The following AP3D1 variants were observed in gnomAD, a reference collection of about 807,000 sequenced individuals.
AP3D1 encodes the protein adaptor related protein complex 3 subunit delta 1.
AP3D1 carries 51 observed loss-of-function variants against 147.6 expected under a neutral mutation model. That is an observed-to-expected ratio of 0.35 (90% CI 0.28 to 0.44). The LOEUF (loss-of-function observed/expected upper bound fraction) is 0.44, where lower values mean the gene tolerates loss of function less well. AP3D1 is among the 20% of genes least tolerant of loss of function. The pLI, the probability that AP3D1 is intolerant of heterozygous loss-of-function variation, is 1.00. For missense variants in AP3D1, 1,421 were observed against 1,624.2 expected, an observed-to-expected ratio of 0.87 and a Z score of 2.15; for synonymous variants, 760 against 663.0, an observed-to-expected ratio of 1.15 and a Z score of -2.25.
intron 2 of AP3D1, among the ~76,000 whole-genome samples, chr19:2,138,062 G>A (rs185401853): frequency 6.7e-4 from 102 of 152,308 alleles, no homozygotes; most frequent in African/African-American, 2.2e-3. Flanking sequence ...GTTAACTGGC[G>A]CTTACGGGTA....
intron 22 of AP3D1, 96 bp from the exon 23 acceptor site, chr19:2,113,509 G>A (rs188713424): frequency 2.1e-5 from 15 of 699,894 alleles, no homozygotes; most frequent in African/African-American, 5.6e-5. Flanking sequence ...AGCTGCCCTC[G>A]CTGCCCCCAG....
chr19:2,112,416 G>A (rs1047715400), intron 24 of AP3D1: 11 of 172,882 alleles, frequency 6.4e-5, no homozygotes, highest in Non-Finnish European at 1.1e-4. Context: ...ACACACAAAA[G>A]ACCACACGGT....
chr19:2,118,913 G>C, intron 14 of AP3D1, 81 bp from the exon 15 acceptor site: 1 of 1,325,214 alleles, frequency 7.5e-7, no homozygotes, highest in Non-Finnish European at 1.0e-6. Context: ...AGGAGGCCTG[G>C]GCTCGTCACC....
chr19:2,117,004 C>G (rs1267621094), intron 16 of AP3D1: 1 of 801,012 alleles, frequency 1.2e-6, no homozygotes, highest in Admixed American at 3.2e-5. Context: ...AGGGTGGGAG[C>G]AGGCCCACTT....
rs2018054553 is a variant in AP3D1, at chr19:2,104,499, C to A, written c.3553-2231G>T. On this transcript the variant is annotated intron_variant, in intron 31 of 31. Transcript: ENST00000643116. ...ATGCCCAGACCCCAACACCAAGACA[C>A]CAATGCCCAGACCCCAATGCCAAGA... Among the ~76,000 whole-genome samples, 3 of 150,284 alleles carry A rather than the reference C, an allele frequency of 2.0e-5. No individual in the cohort carries two copies. The South Asian group carries it at 6.4e-4, about 32-fold the overall frequency.
At chr19:2,155,518 C>G (rs535284881), upstream of AP3D1, among the ~76,000 whole-genome samples, 2 of 116,190 alleles carry the variant, frequency 1.7e-5, no homozygotes, top group African/African-American at 3.3e-5. Context: ...TGGGTGACAG[C>G]GAGACTCTGT....
At chr19:2,164,166 G>A (rs975526471) in intron 1 of AP3D1, 1 of 1,212,352 alleles carries the variant, frequency 8.2e-7, no homozygotes, top group Non-Finnish European at 1.0e-6. Flanking sequence ...AGCATGGTGC[G>A]GCGGCCGCGC....
chr19:2,119,978 A>G (rs1227197939), intron 14 of AP3D1, among the ~76,000 whole-genome samples: 1 of 152,150 alleles, frequency 6.6e-6, no homozygotes, highest in African/African-American at 2.4e-5. Flanking sequence ...AGAAAATGAC[A>G]GAAGTGCTCA....
intron 1 of AP3D1, among the ~76,000 whole-genome samples, chr19:2,149,328 T>C (rs2019444842): frequency 6.6e-6 from 1 of 152,128 alleles, no homozygotes; most frequent in Non-Finnish European, 1.5e-5. Context: ...GGTGGATCAC[T>C]GAGGTCAGGA....
intron 4 of AP3D1, among the ~76,000 whole-genome samples, chr19:2,133,194 G>C (rs1269313244): frequency 6.6e-6 from 1 of 152,126 alleles, no homozygotes; most frequent in East Asian, 1.9e-4. Context: ...CTCCCATTTG[G>C]GGTCCCTTTC....
At position 2,129,477 on chromosome 19, in the gene AP3D1, C is replaced by T. The variant is rs763449997; in HGVS notation, c.593-20G>A. On this transcript the variant is annotated intron_variant, in intron 6 of 31. Transcript: ENST00000643116. ...GAACCCCTGGGGAACAAGGGGTTCT[C>T]ATCAGCATGCCTGTCCTTCCACCTA... 20 of 1,609,254 alleles carry T rather than the reference C, an allele frequency of 1.2e-5. No homozygotes were observed. Among genetic ancestry groups the T allele is most frequent in the South Asian group, 1.2e-4 (11 of 90,792 alleles).
chr19:2,130,757 T>C (rs1459406132), intron 5 of AP3D1, among the ~76,000 whole-genome samples: 1 of 152,176 alleles, frequency 6.6e-6, no homozygotes, highest in Non-Finnish European at 1.5e-5. Context: ...CCCTCTTCCC[T>C]TGTGGCCTTC....
At position 2,115,312 on chromosome 19, in the gene AP3D1, C is replaced by T. The variant is rs2145040802; in HGVS notation, c.2256G>A (p.Lys752=). The T allele has an allele frequency of 6.2e-7, 1 of 1,612,130 alleles. No individual in the cohort carries two copies. Among genetic ancestry groups the T allele is most frequent in the South Asian group, 1.1e-5 (1 of 91,078 alleles). ...GCAGCGAGCTGTGGCGGCGCTTGCC[C>T]TTCTTCTCCTTCTCCTTCCTCTTTT... ...RRKKRKEKEK[K]GKRRHSSLPT... Residue 752 remains lysine, a synonymous_variant, in exon 20 of 32, where the codon AAG becomes AAA. Transcript: ENST00000643116.
intron 4 of AP3D1, among the ~76,000 whole-genome samples, chr19:2,135,852 G>A (rs1017470214): frequency 1.1e-4 from 16 of 152,100 alleles, no homozygotes; most frequent in African/African-American, 3.9e-4. Flanking sequence ...GCTGCCACCT[G>A]GGTACCTAGG....
At chr19:2,118,369 C>T (rs2018515241) in intron 15 of AP3D1, among the ~76,000 whole-genome samples, 1 of 152,226 alleles carries the variant, frequency 6.6e-6, no homozygotes, top group East Asian at 1.9e-4. Flanking sequence ...AGCACCCTCA[C>T]ATACCCAGCA....
intron 21 of AP3D1, 126 bp downstream of exon 21, chr19:2,114,622 G>GCCCCCCCCCC: frequency 1.7e-5 from 11 of 665,724 alleles, no homozygotes; most frequent in East Asian, 5.6e-5. Context: ...TCTGGGGAAG[G>GCCCCCCCCCC]CCCGCCCGCA....
intron 1 of AP3D1, among the ~76,000 whole-genome samples, chr19:2,145,325 G>A (rs80308009): frequency 0.018 from 2,744 of 152,280 alleles, 35 homozygotes; most frequent in Middle Eastern, 0.048. Flanking sequence ...GCCACCCGGG[G>A]TCCCCACATC....
At chr19:2,131,955 C>T (rs115285524) in intron 5 of AP3D1, among the ~76,000 whole-genome samples, 1 of 152,358 alleles carries the variant, frequency 6.6e-6, no homozygotes, top group African/African-American at 2.4e-5. Context: ...AATCTGGCTA[C>T]TGTGTTTTAA....
chr19:2,137,154 C>T (rs1008286564), intron 3 of AP3D1, 63 bp from the exon 4 acceptor site: 11 of 1,427,698 alleles, frequency 7.7e-6, no homozygotes, highest in Non-Finnish European at 1.1e-5. Flanking sequence ...AGCTCCAGCT[C>T]TGCTCTGCAG....
Sources: allele counts gnomAD v4.1 joint callset (sites outside exome capture counted in the v4.1 genomes callset), GRCh38; gene constraint gnomAD v4.1.1; transcripts MANE v1.5; gene names NCBI Gene and HGNC (gene_info 2026-07-23, HGNC 2026-07-21).